Variants in UGT1A10 observed in about 807,000 individuals in gnomAD.
UGT1A10 encodes UDP glucuronosyltransferase family 1 member A10.
Under a neutral mutation model 45.8 loss-of-function variants are expected in UGT1A10, and 49 were observed. The observed-to-expected ratio is 1.07, with a 90% CI of 0.85 to 1.36. The LOEUF (loss-of-function observed/expected upper bound fraction) is 1.36. Ranked by LOEUF, UGT1A10 falls within the 40% of genes most tolerant of loss-of-function variation. The pLI, the probability that UGT1A10 is intolerant of heterozygous loss-of-function variation, is 0.00. For missense variants in UGT1A10, 745 were observed against 668.6 expected, an observed-to-expected ratio of 1.11 and a Z score of -1.26; for synonymous variants, 284 against 249.7, an observed-to-expected ratio of 1.14 and a Z score of -1.29.
intron 1 of UGT1A10, among the ~76,000 whole-genome samples, chr2:233,759,599 A>C (rs759174): frequency 0.51 from 55,428 of 108,528 alleles, 10,119 homozygotes; most frequent in African/African-American, 0.62. Flanking sequence ...CCCACCCCCG[A>C]CCCGCCCCAC....
At chr2:233,760,143 G>C (rs2125979116) in intron 1 of UGT1A10, 1 of 1,431,624 alleles carries the variant, frequency 7.0e-7, no homozygotes, top group Non-Finnish European at 9.3e-7. Flanking sequence ...ATCTCTGAAA[G>C]TGAACTCCCT....
chr2:233,689,192 G>C (rs1014208680), intron 1 of UGT1A10, among the ~76,000 whole-genome samples: 1 of 152,176 alleles, frequency 6.6e-6, no homozygotes, highest in Admixed American at 6.5e-5. Context: ...CCCTGGAACT[G>C]TCTGGCTGGG....
chr2:233,729,188 G>A, intron 1 of UGT1A10: 4 of 1,613,988 alleles, frequency 2.5e-6, no homozygotes, highest in Non-Finnish European at 3.4e-6. Context: ...CTTCTCCTCA[G>A]TGTCCAGCCC....
intron 1 of UGT1A10, among the ~76,000 whole-genome samples, chr2:233,664,926 T>G (rs1454084248): frequency 6.6e-6 from 1 of 152,230 alleles, no homozygotes; most frequent in Non-Finnish European, 1.5e-5. Flanking sequence ...CATATCCAAG[T>G]TGCATTTAAA....
chr2:233,659,419 G>T (rs1467861482), intron 1 of UGT1A10, among the ~76,000 whole-genome samples: 1 of 152,224 alleles, frequency 6.6e-6, no homozygotes, highest in African/African-American at 2.4e-5. Flanking sequence ...AATAAAGTCA[G>T]CTAGATAAAA....
At chr2:233,742,803 G>T (rs1329943458) in intron 1 of UGT1A10, 1 of 153,428 alleles carries the variant, frequency 6.5e-6, no homozygotes, top group African/African-American at 2.4e-5. Context: ...TAAGCCAGAA[G>T]TATTGATATT....
intron 1 of UGT1A10, among the ~76,000 whole-genome samples, chr2:233,692,622 A>G (rs2075106076): frequency 6.6e-6 from 1 of 152,216 alleles, no homozygotes. Context: ...CATCATGGAC[A>G]TAACAGACAA....
intron 1 of UGT1A10, chr2:233,713,102 T>C: frequency 1.9e-6 from 3 of 1,614,146 alleles, no homozygotes; most frequent in Non-Finnish European, 2.5e-6. Context: ...TGCCCACTGA[T>C]GGCAGCCACT....
At chr2:233,673,930 C>A (rs543938287) in intron 1 of UGT1A10, among the ~76,000 whole-genome samples, 1 of 152,128 alleles carries the variant, frequency 6.6e-6, no homozygotes, top group Non-Finnish European at 1.5e-5. Context: ...TTCCAAAGCA[C>A]TATTGAGTAA....
At chr2:233,646,212 C>T (rs928351616) in intron 1 of UGT1A10, among the ~76,000 whole-genome samples, 1 of 152,222 alleles carries the variant, frequency 6.6e-6, no homozygotes, top group Non-Finnish European at 1.5e-5. Context: ...CTAGGCTGCA[C>T]ACAGCAGGGG....
intron 1 of UGT1A10, chr2:233,760,221 A>G (rs920580015): frequency 2.5e-5 from 40 of 1,592,616 alleles, no homozygotes; most frequent in Non-Finnish European, 3.3e-5. Context: ...TGGTGTATCG[A>G]TTGGTTTTTG....
chr2:233,705,804 T>G (rs1381570843), intron 1 of UGT1A10, among the ~76,000 whole-genome samples: 1 of 152,110 alleles, frequency 6.6e-6, no homozygotes, highest in African/African-American at 2.4e-5. Flanking sequence ...GTTCAAAAAT[T>G]ATTAAGAATT....
chr2:233,666,777 C>T (rs1224990493), intron 1 of UGT1A10, among the ~76,000 whole-genome samples: 1 of 151,356 alleles, frequency 6.6e-6, no homozygotes, highest in Admixed American at 6.6e-5. Context: ...TTAGGTATCT[C>T]TCCTAATGCT....
At chr2:233,738,017 G>A (rs1338863372) in intron 1 of UGT1A10, among the ~76,000 whole-genome samples, 1 of 152,028 alleles carries the variant, frequency 6.6e-6, no homozygotes, top group Non-Finnish European at 1.5e-5. Flanking sequence ...ATCTTGAATT[G>A]TAATCCCCAT....
intron 1 of UGT1A10, chr2:233,729,158 G>C (rs771653845): frequency 4.5e-5 from 73 of 1,613,350 alleles, no homozygotes; most frequent in Middle Eastern, 1.8e-4. Flanking sequence ...CCCCTGCCGT[G>C]GCTGGCCACA....
At chr2:233,738,596 A>G (rs545904932) in intron 1 of UGT1A10, among the ~76,000 whole-genome samples, 1 of 152,336 alleles carries the variant, frequency 6.6e-6, no homozygotes, top group East Asian at 1.9e-4. Flanking sequence ...CACTCTTGCT[A>G]AGCTTTAGCA....
rs1384702379 is a variant in UGT1A10, at chr2:233,760,914, G to A, written c.856-6120G>A. ...CAGATCACATGACCTTCCTGCAGCG[G>A]GTGAAGAACATGCTCATTGCCTTTT... On this transcript the variant is annotated intron_variant, in intron 1 of 4. Transcript: ENST00000344644. The A allele has an allele frequency of 2.5e-6, 4 of 1,614,148 alleles. No individual in the cohort carries two copies. In the African/African-American group the frequency reaches 4.0e-5, roughly 16 times the overall value.
intron 1 of UGT1A10, 84 bp from the exon 2 acceptor site, chr2:233,766,950 A>G: frequency 6.2e-7 from 1 of 1,601,228 alleles, no homozygotes. Context: ...TCTTAAGAGG[A>G]AGATATCTAA....
chr2:233,662,870 C>A (rs1405266775), intron 1 of UGT1A10, among the ~76,000 whole-genome samples: 1 of 141,304 alleles, frequency 7.1e-6, no homozygotes, highest in East Asian at 2.1e-4. Flanking sequence ...AACACTTTTT[C>A]TGTAACTATT....
Sources: allele counts gnomAD v4.1 joint callset (sites outside exome capture counted in the v4.1 genomes callset), GRCh38; gene constraint gnomAD v4.1.1; transcripts MANE v1.5; gene names NCBI Gene and HGNC (gene_info 2026-07-23, HGNC 2026-07-21).